Variants in FAF1 observed in about 807,000 individuals in gnomAD.
FAF1 encodes Fas associated factor 1.
In FAF1, 25 loss-of-function variants were observed where a neutral mutation model predicts 92.5. The observed-to-expected ratio is 0.27, with a 90% CI of 0.20 to 0.38. The LOEUF (loss-of-function observed/expected upper bound fraction) is 0.38. Among genes scored for constraint, FAF1 ranks in the 10% least tolerant of loss-of-function variants. The probability of loss-of-function intolerance (pLI) is 1.00; values close to 1 mark genes in which losing one functional copy is unlikely to be tolerated. For missense variants in FAF1, 636 were observed against 793.3 expected (o/e 0.80, Z 2.38); for synonymous variants, 234 against 273.2 (o/e 0.86, Z 1.42).
chr1:50,886,520 C>T (rs1014521188), intron 1 of FAF1, among the ~76,000 whole-genome samples: 1 of 151,838 alleles, frequency 6.6e-6, no homozygotes, highest in African/African-American at 2.4e-5. Context: ...TAATGCTATC[C>T]CTCCCCACTC....
chr1:50,546,205 T>G lies in FAF1; in HGVS notation c.1269-6477A>C, dbSNP rs183898109. ...TTGGTTAAATAAAATTATAGTATAT[T>G]ATGGAATTTAAAGAGATACTATGTA... On this transcript the variant is annotated intron_variant, in intron 13 of 18. Coordinates refer to ENST00000396153, the MANE Select transcript of FAF1 (RefSeq NM_007051.3). Among the ~76,000 whole-genome samples, 4 of 152,234 alleles carry G rather than the reference T, an allele frequency of 2.6e-5. No homozygotes were observed. The East Asian group carries it at 7.7e-4, about 29-fold the overall frequency.
chr1:50,698,898 A>T (rs775850244), intron 7 of FAF1, among the ~76,000 whole-genome samples: 57 of 152,080 alleles, frequency 3.7e-4, no homozygotes, highest in Non-Finnish European at 7.8e-4. Context: ...TTTATTTTCT[A>T]AAAATGTAAT....
intron 2 of FAF1, among the ~76,000 whole-genome samples, chr1:50,834,235 A>G (rs1009163899): frequency 6.6e-6 from 1 of 152,216 alleles, no homozygotes; most frequent in Non-Finnish European, 1.5e-5. Context: ...AGGCCTCCCC[A>G]GCCATGTTTC....
chr1:50,701,971 G>A (rs936557658), intron 7 of FAF1, among the ~76,000 whole-genome samples: 1 of 152,010 alleles, frequency 6.6e-6, no homozygotes, highest in African/African-American at 2.4e-5. Flanking sequence ...GCTTCTTGTT[G>A]TAACAGATAA....
At chr1:50,511,215 CT>C (rs935983434) in intron 15 of FAF1, among the ~76,000 whole-genome samples, 2 of 152,196 alleles carry the variant, frequency 1.3e-5, no homozygotes, top group Admixed American at 1.3e-4. Context: ...CAAGTGTCAT[CT>C]TTTTTAAATT....
At chr1:50,897,619 T>C (rs1644767596) in intron 1 of FAF1, among the ~76,000 whole-genome samples, 1 of 152,212 alleles carries the variant, frequency 6.6e-6, no homozygotes, top group Non-Finnish European at 1.5e-5. Context: ...ATGTTCACTA[T>C]AAAGTCGACC....
intron 1 of FAF1, among the ~76,000 whole-genome samples, chr1:50,885,714 C>A (rs1644656274): frequency 6.6e-6 from 1 of 152,056 alleles, no homozygotes; most frequent in Non-Finnish European, 1.5e-5. Flanking sequence ...TTTACTCCTG[C>A]CATTTTGTTA....
intron 2 of FAF1, among the ~76,000 whole-genome samples, chr1:50,802,830 T>A (rs1423247094): frequency 6.6e-6 from 1 of 152,200 alleles, no homozygotes; most frequent in Non-Finnish European, 1.5e-5. Context: ...ACCAATTCAA[T>A]GTTTTATCAG....
intron 12 of FAF1, among the ~76,000 whole-genome samples, chr1:50,580,893 C>A (rs1324215573): frequency 6.6e-6 from 1 of 152,104 alleles, no homozygotes; most frequent in Non-Finnish European, 1.5e-5. Flanking sequence ...TGCCTCAGCC[C>A]CCCAAGTAGC....
chr1:50,589,174 G>A (rs1295102260), intron 9 of FAF1, among the ~76,000 whole-genome samples: 4 of 152,156 alleles, frequency 2.6e-5, no homozygotes, highest in Non-Finnish European at 5.9e-5. Flanking sequence ...TAAGCCTCAG[G>A]TACATGTAGT....
intron 1 of FAF1, among the ~76,000 whole-genome samples, chr1:50,927,822 G>A (rs979606486): frequency 6.6e-6 from 1 of 152,096 alleles, no homozygotes; most frequent in African/African-American, 2.4e-5. Flanking sequence ...GTTGATGGCT[G>A]TCTCCTCCCT....
intron 17 of FAF1, among the ~76,000 whole-genome samples, chr1:50,482,126 T>C (rs1646711229): frequency 6.6e-6 from 1 of 152,186 alleles, no homozygotes; most frequent in African/African-American, 2.4e-5. Flanking sequence ...CTATTACCTC[T>C]CTCCCCGTTC....
chr1:50,642,208 A>C (rs967443130), intron 8 of FAF1, among the ~76,000 whole-genome samples: 13 of 150,466 alleles, frequency 8.6e-5, no homozygotes, highest in African/African-American at 3.2e-4. Flanking sequence ...GTCTCAGAAA[A>C]AAAAAAAAAA....
chr1:50,816,150 C>T (rs1461311854), intron 2 of FAF1, among the ~76,000 whole-genome samples: 1 of 143,662 alleles, frequency 7.0e-6, no homozygotes, highest in African/African-American at 2.6e-5. Context: ...CATTATACGT[C>T]TTATTTTGAG....
chr1:50,896,529 G>A (rs1644759067), intron 1 of FAF1, among the ~76,000 whole-genome samples: 1 of 152,134 alleles, frequency 6.6e-6, no homozygotes, highest in Non-Finnish European at 1.5e-5. Flanking sequence ...AGCAACCTAA[G>A]TGTCCATGAA....
chr1:50,514,501 A>T (rs1359680029), intron 15 of FAF1, among the ~76,000 whole-genome samples: 1 of 152,200 alleles, frequency 6.6e-6, no homozygotes, highest in Non-Finnish European at 1.5e-5. Context: ...ATAATGTTAG[A>T]CTACCTGGTT....
chr1:50,464,254 G>A (rs1056184654), intron 18 of FAF1, among the ~76,000 whole-genome samples: 8 of 152,116 alleles, frequency 5.3e-5, no homozygotes, highest in African/African-American at 1.4e-4. Context: ...CGATCCTCCT[G>A]CCCTGGCCTC....
intron 15 of FAF1, among the ~76,000 whole-genome samples, chr1:50,514,677 A>C (rs1040998954): frequency 6.6e-6 from 1 of 152,154 alleles, no homozygotes. Context: ...TTTCTGATGG[A>C]GATGTTTAGA....
chr1:50,554,390 T>TATATATATATAGAGAGAGAG, intron 13 of FAF1, among the ~76,000 whole-genome samples: 5 of 93,704 alleles, frequency 5.3e-5, no homozygotes, highest in Admixed American at 1.2e-4. Context: ...TATATATATA[T>TATATATATATAGAGAGAGAG]AGAGAGAGAG....
Sources: gnomAD v4.1 joint callset for allele counts (sites outside exome capture counted in the v4.1 genomes callset) on GRCh38, gnomAD v4.1.1 for gene constraint, MANE v1.5 for transcripts, NCBI Gene and HGNC (gene_info 2026-07-23, HGNC 2026-07-21) for gene names.